SYNE1: variants seen among roughly 807,000 people sequenced by gnomAD.
The protein encoded by SYNE1 is spectrin repeat containing nuclear envelope protein 1.
In SYNE1, 616 loss-of-function variants were observed where a neutral mutation model predicts 1,111.0. The ratio of observed to expected loss-of-function variants is 0.55; its 90% CI spans 0.52 to 0.59. SYNE1 has a LOEUF of 0.59. SYNE1 is among the 20% of genes least tolerant of loss of function. The pLI is 0.00. For synonymous variants in SYNE1, 3,855 were observed against 3,825.8 expected (o/e 1.01, Z -0.28); for missense variants, 10,006 against 10,417.0 (o/e 0.96, Z 1.72).
Position 152,353,394 on chromosome 6 carries a change from C to T in SYNE1, c.11122G>A (p.Glu3708Lys). The T allele has an allele frequency of 6.2e-7, 1 of 1,614,156 alleles. No homozygotes were observed. The highest frequency in any genetic ancestry group is 1.3e-5 in the African/African-American group (1 of 75,042). Residue 3708 changes from glutamate to lysine, a missense_variant, in exon 69 of 146, where the codon GAG becomes AAG. Around this residue, in one of 7 missense-constraint regions of SYNE1, gnomAD observed 4,955 missense variants for 5,017.2 expected, o/e 0.99. Coordinates refer to ENST00000367255, the MANE Select transcript of SYNE1 (RefSeq NM_182961.4). The stretch of plus-strand genomic sequence containing the variant: ...GAACTGAGGGATGATTCTGATTCCT[C>T]CAAACTCTGAATCTCCTCCTCCAGG... ...KFLEEEIQSLEESESSLSSYS... is the reference protein window; with the variant it reads ...KFLEEEIQSLKESESSLSSYS...
At chr6:152,200,688 C>T (rs374545769) in intron 127 of SYNE1, among the ~76,000 whole-genome samples, 2 of 152,314 alleles carry the variant, frequency 1.3e-5, no homozygotes, top group African/African-American at 4.8e-5. Context: ...ATCCACCACA[C>T]CCGGCTTCTT....
At chr6:152,363,370 T>C (rs2096977344) in intron 63 of SYNE1, among the ~76,000 whole-genome samples, 1 of 149,782 alleles carries the variant, frequency 6.7e-6, no homozygotes, top group African/African-American at 2.4e-5. Context: ...GGCGGGCGCC[T>C]GTAGTACCAG....
intron 3 of SYNE1, among the ~76,000 whole-genome samples, chr6:152,594,599 A>G (rs2099575684): frequency 6.6e-6 from 1 of 152,252 alleles, no homozygotes; most frequent in African/African-American, 2.4e-5. Context: ...ATTATTTTAA[A>G]TTACAGAATT....
intron 3 of SYNE1, among the ~76,000 whole-genome samples, chr6:152,565,071 A>G (rs1322127327): frequency 6.6e-6 from 1 of 152,248 alleles, no homozygotes; most frequent in African/African-American, 2.4e-5. Flanking sequence ...AGGGAATAGA[A>G]CAGACCATTG....
chr6:152,630,175 A>G (rs2099695592), intron 2 of SYNE1, among the ~76,000 whole-genome samples: 1 of 152,120 alleles, frequency 6.6e-6, no homozygotes, highest in South Asian at 2.1e-4. Context: ...CTGCTGCCCC[A>G]TGTGCAATGC....
intron 3 of SYNE1, among the ~76,000 whole-genome samples, chr6:152,551,250 G>A (rs1441243571): frequency 6.6e-6 from 1 of 152,130 alleles, no homozygotes; most frequent in African/African-American, 2.4e-5. Flanking sequence ...CACGTACACA[G>A]AGAAGACCAT....
intron 11 of SYNE1, among the ~76,000 whole-genome samples, chr6:152,490,330 C>T (rs1175135456): frequency 6.6e-6 from 1 of 152,062 alleles, no homozygotes; most frequent in Non-Finnish European, 1.5e-5. Flanking sequence ...AACAACTACA[C>T]AAAATCCTTG....
chr6:152,528,808 A>G (rs2099179770), intron 4 of SYNE1, among the ~76,000 whole-genome samples: 1 of 152,224 alleles, frequency 6.6e-6, no homozygotes, highest in African/African-American at 2.4e-5. Context: ...CTAGTACAGT[A>G]GCAGGCACTT....
chr6:152,385,539 T>C (rs1419109118), intron 55 of SYNE1, 135 bp downstream of exon 55: 1 of 923,914 alleles, frequency 1.1e-6, no homozygotes, highest in Non-Finnish European at 1.7e-6. Flanking sequence ...TGTTTATGTG[T>C]AGAATCAGTG....
At chr6:152,124,587 T>C (rs996546584) in intron 145 of SYNE1, among the ~76,000 whole-genome samples, 1 of 152,194 alleles carries the variant, frequency 6.6e-6, no homozygotes, top group African/African-American at 2.4e-5. Flanking sequence ...GATTTGTCAG[T>C]ATAAATAATC....
At chr6:152,627,606 G>A (rs141451713) in intron 3 of SYNE1, among the ~76,000 whole-genome samples, 1,588 of 152,178 alleles carry the variant, frequency 0.01, 44 homozygotes, top group African/African-American at 0.036. Context: ...GGAGTGAGCC[G>A]AGATAGTGCT....
intron 64 of SYNE1, among the ~76,000 whole-genome samples, chr6:152,359,987 C>T (rs2096904538): frequency 6.6e-6 from 1 of 152,180 alleles, no homozygotes; most frequent in African/African-American, 2.4e-5. Context: ...CCTGCAAACT[C>T]CCCAGCCCAG....
At position 152,429,118 on chromosome 6, in the gene SYNE1, A is replaced by AATG. The variant is rs2098403975; in HGVS notation, c.4789-729_4789-727dup. 3.4e-5 allele frequency among the ~76,000 whole-genome samples: 5 copies of AATG among 149,064 alleles called. No individual in the cohort carries two copies. In the South Asian group the frequency reaches 1.1e-3, roughly 32 times the overall value. On this transcript the variant is annotated intron_variant, in intron 36 of 145. Coordinates refer to ENST00000367255, the MANE Select transcript of SYNE1 (RefSeq NM_182961.4). ...TAATAATAATAATAATAATAATAAT[A>AATG]ATGACACAGTGCCTCAGAATGTGGC...
At chr6:152,308,305 C>G (rs1323905110) in intron 91 of SYNE1, among the ~76,000 whole-genome samples, 184 bp downstream of exon 91, 1 of 152,084 alleles carries the variant, frequency 6.6e-6, no homozygotes, top group Non-Finnish European at 1.5e-5. Context: ...AAGGGGAACG[C>G]ACGTGTTACT....
At chr6:152,487,574 T>A (rs1222134179) in intron 12 of SYNE1, among the ~76,000 whole-genome samples, 2 of 152,160 alleles carry the variant, frequency 1.3e-5, no homozygotes, top group African/African-American at 2.4e-5. Flanking sequence ...GACACTGTAG[T>A]CAGACTGGAG....
chr6:152,237,088 G>T, intron 108 of SYNE1, 140 bp from the exon 109 acceptor site: 1 of 1,144,202 alleles, frequency 8.7e-7, no homozygotes, highest in Non-Finnish European at 1.3e-6. Flanking sequence ...GCTTTGGGAA[G>T]CAAAAGATGG....
At chr6:152,245,560 T>C (rs2086895674) in intron 105 of SYNE1, among the ~76,000 whole-genome samples, 1 of 152,078 alleles carries the variant, frequency 6.6e-6, no homozygotes, top group African/African-American at 2.4e-5. Flanking sequence ...GCATATTTTT[T>C]CCCCATAAAT....
intron 74 of SYNE1, 118 bp from the exon 75 acceptor site, chr6:152,339,484 T>C: frequency 1.4e-6 from 2 of 1,416,046 alleles, no homozygotes; most frequent in Non-Finnish European, 1.9e-6. Context: ...GCTCAGTGTT[T>C]TCACCATTGT....
At chr6:152,140,506 G>T (rs895306497) in intron 139 of SYNE1, among the ~76,000 whole-genome samples, 1 of 152,090 alleles carries the variant, frequency 6.6e-6, no homozygotes, top group African/African-American at 2.4e-5. Context: ...TAAAATGCCT[G>T]ATTAGATATG....
Sources: gnomAD v4.1 joint callset for allele counts (sites outside exome capture counted in the v4.1 genomes callset) on GRCh38, gnomAD v4.1.1 for gene constraint, gnomAD v4.1.1 regional missense constraint, MANE v1.5 for transcripts, NCBI Gene and HGNC (gene_info 2026-07-23, HGNC 2026-07-21) for gene names.